DRC7: variants seen among roughly 807,000 people sequenced by gnomAD.
DRC7 encodes the protein dynein regulatory complex subunit 7.
In DRC7, 80 loss-of-function variants were observed where a neutral mutation model predicts 104.4. That is an observed-to-expected ratio of 0.77 (90% CI 0.64 to 0.92). The LOEUF is 0.92. Ranked by LOEUF, DRC7 falls within the 40% of genes least tolerant of loss-of-function variation. DRC7 has a pLI of 0.00. For synonymous variants in DRC7, 405 were observed against 447.3 expected, an observed-to-expected ratio of 0.91 and a Z score of 1.19; for missense variants, 1,034 against 1,141.1, an observed-to-expected ratio of 0.91 and a Z score of 1.35.
intron 14 of DRC7, 70 bp downstream of exon 14, chr16:57,726,353 C>A: frequency 1.5e-6 from 2 of 1,350,858 alleles, no homozygotes; most frequent in Non-Finnish European, 2.1e-6. Context: ...CTTATTCCAG[C>A]CACTTGGGAG....
chr16:57,725,940 C>T lies in DRC7; in HGVS notation c.1759-128C>T. 3.9e-6 allele frequency: 3 copies of T among 762,038 alleles called. No individual in the cohort carries two copies. In the South Asian group the frequency reaches 5.1e-5, roughly 13 times the overall value. The allele number at this position is 762,038 out of a possible 1,614,324, so 47.2% of individuals were successfully genotyped here. On this transcript the variant is annotated intron_variant, in intron 13 of 18. Coordinates refer to ENST00000360716, the MANE Select transcript of DRC7 (RefSeq NM_001289162.2). ...TGTCTGGCTAGGAGGGGCTATTCCA[C>T]GTGAATCGCCAAACGACCCCAGACT...
chr16:57,729,465 A>G (rs1281217991), intron 17 of DRC7, among the ~76,000 whole-genome samples: 55 of 25,048 alleles, frequency 2.2e-3, no homozygotes, highest in South Asian at 2.8e-3. Flanking sequence ...TGGATGAGTG[A>G]GTGGGTGGGT....
chr16:57,726,374 G>C, intron 14 of DRC7, 91 bp downstream of exon 14: 1 of 1,099,744 alleles, frequency 9.1e-7, no homozygotes, highest in Middle Eastern at 2.7e-4. Context: ...AACCAGGATG[G>C]GCGCTGGTGA....
At chr16:57,716,072 C>T (rs2048840076) in intron 8 of DRC7, among the ~76,000 whole-genome samples, 1 of 152,226 alleles carries the variant, frequency 6.6e-6, no homozygotes, top group Non-Finnish European at 1.5e-5. Context: ...CAAACGTACC[C>T]TGGGCACATG....
At chr16:57,720,889 T>G (rs1201943132) in intron 9 of DRC7, among the ~76,000 whole-genome samples, 1 of 152,018 alleles carries the variant, frequency 6.6e-6, no homozygotes, top group Non-Finnish European at 1.5e-5. Context: ...AATGGGGAAA[T>G]TAAGGCTCAG....
intron 17 of DRC7, among the ~76,000 whole-genome samples, chr16:57,730,488 T>G (rs2049048981): frequency 6.6e-6 from 1 of 151,990 alleles, no homozygotes; most frequent in Admixed American, 6.6e-5. Context: ...GATGGTACAC[T>G]GTAACAACTC....
At chr16:57,729,762 A>G (rs1293592517) in intron 17 of DRC7, among the ~76,000 whole-genome samples, 1 of 52,306 alleles carries the variant, frequency 1.9e-5, no homozygotes, top group African/African-American at 8.1e-5. Flanking sequence ...AGGTGGGTGG[A>G]TGGATGAGTG....
In DRC7 at chr16:57,728,600, T is replaced by C. The variant is rs766614422; in HGVS notation, c.2391+16T>C. 1.3e-6 allele frequency: 2 copies of C among 1,556,628 alleles called. No individual in the cohort carries two copies. Among genetic ancestry groups the C allele is most frequent in the Non-Finnish European group, 1.7e-6 (2 of 1,146,232 alleles). On this transcript the variant is annotated intron_variant, in intron 17 of 18. Transcript: ENST00000360716. ...CTTTGAGAAGGTGCCACCAGGGCCT[T>C]TGTTGGGGAGGGGGGGATCTCAGCA...
chr16:57,724,758 T>A lies in DRC7; in HGVS notation c.1681T>A (p.Tyr561Asn). 1 of 1,613,828 alleles carries A rather than the reference T, an allele frequency of 6.2e-7. No individual in the cohort carries two copies. The highest frequency in any genetic ancestry group is 8.5e-7 in the Non-Finnish European group (1 of 1,180,012). ...YYQGRPDFLS[Y>N]RHASFGPRVK... ...TCAAGGACGCCCAGACTTCCTCTCC[T>A]ACCGCCATGCCAGCTTCGGACCCCG... Residue 561 changes from tyrosine to asparagine, a missense_variant, in exon 13 of 19, where the codon TAC becomes AAC. Transcript: ENST00000360716.
At position 57,707,692 on chromosome 16, in the gene DRC7, G is replaced by A. The variant is rs147640239; in HGVS notation, c.1077+14G>A. 2.4e-4 allele frequency: 394 copies of A among 1,610,720 alleles called. 2 individuals carry two copies. In the African/African-American group the frequency reaches 4.7e-3, roughly 19 times the overall value. ...AACTGCTGCAAGGTGCCTAGGGAGG[G>A]GGAGCTGGGTGGGTGTGGCAGGCAC... On this transcript the variant is annotated intron_variant, in intron 8 of 18. Coordinates refer to ENST00000360716, the MANE Select transcript of DRC7 (RefSeq NM_001289162.2).
intron 3 of DRC7, 32 bp from the exon 4 acceptor site, chr16:57,698,818 G>C (rs1302202038): frequency 1.2e-6 from 2 of 1,603,992 alleles, no homozygotes. Context: ...GCCAGGCATG[G>C]CTTCCCTAAT....
intron 9 of DRC7, 29 bp downstream of exon 9, chr16:57,718,504 G>A: frequency 6.2e-7 from 1 of 1,611,684 alleles, no homozygotes; most frequent in Non-Finnish European, 8.5e-7. Context: ...AGAGCCCAGG[G>A]AATGTGTGTG....
intron 9 of DRC7, among the ~76,000 whole-genome samples, chr16:57,720,780 T>C (rs1404920280): frequency 6.6e-6 from 1 of 152,214 alleles, no homozygotes; most frequent in African/African-American, 2.4e-5. Flanking sequence ...GTATGAGCAA[T>C]GTTTGTGGAA....
chr16:57,727,181 G>T (rs1274203731), intron 15 of DRC7, 118 bp from the exon 16 acceptor site: 1 of 838,228 alleles, frequency 1.2e-6, no homozygotes, highest in East Asian at 2.4e-5. Flanking sequence ...ATTTTGCCCA[G>T]GCTGGTCTCA....
At chr16:57,725,993 G>A (rs1404097844) in intron 13 of DRC7, 75 bp from the exon 14 acceptor site, 5 of 1,318,676 alleles carry the variant, frequency 3.8e-6, no homozygotes, top group Non-Finnish European at 5.3e-6. Context: ...CGTTGCTCCT[G>A]CCTGCGGGCA....
chr16:57,709,958 CA>C, intron 8 of DRC7, among the ~76,000 whole-genome samples: 1 of 152,098 alleles, frequency 6.6e-6, no homozygotes, highest in South Asian at 2.1e-4. Flanking sequence ...TTTATAGAGA[CA>C]AAAAATGGGT....
intron 5 of DRC7, 70 bp from the exon 6 acceptor site, chr16:57,701,866 C>T (rs1040324973): frequency 6.6e-6 from 9 of 1,371,282 alleles, no homozygotes; most frequent in Non-Finnish European, 9.2e-6. Flanking sequence ...AGGTGGTGGG[C>T]TGTGACCGGT....
chr16:57,718,546 G>A, intron 9 of DRC7, 71 bp downstream of exon 9: 1 of 1,572,378 alleles, frequency 6.4e-7, no homozygotes, highest in Non-Finnish European at 8.7e-7. Flanking sequence ...AGTGTCCCCA[G>A]CAGCATATGT....
intron 8 of DRC7, among the ~76,000 whole-genome samples, chr16:57,713,269 C>T (rs1186190295): frequency 6.6e-6 from 1 of 152,134 alleles, no homozygotes; most frequent in Non-Finnish European, 1.5e-5. Context: ...TAGTGTTATT[C>T]AAATCTTATA....
Sources: allele counts gnomAD v4.1 joint callset (sites outside exome capture counted in the v4.1 genomes callset), GRCh38; gene constraint gnomAD v4.1.1; transcripts MANE v1.5; gene names NCBI Gene and HGNC (gene_info 2026-07-23, HGNC 2026-07-21).